CACNA1C: variants seen among roughly 807,000 people sequenced by gnomAD.
CACNA1C encodes the protein calcium voltage-gated channel subunit alpha1 C.
A neutral mutation model predicts 229.0 loss-of-function variants in CACNA1C; 30 were observed. That is an observed-to-expected ratio of 0.13 (90% CI 0.10 to 0.18). CACNA1C has a LOEUF of 0.18. Ranked by LOEUF, CACNA1C falls within the 10% of genes least tolerant of loss-of-function variation. CACNA1C has a pLI of 1.00. For missense variants in CACNA1C, 1,658 were observed against 2,845.0 expected, an observed-to-expected ratio of 0.58 and a Z score of 9.49; for synonymous variants, 1,114 against 1,132.5, an observed-to-expected ratio of 0.98 and a Z score of 0.33.
chr12:2,103,838 T>C (rs889087853), intron 1 of CACNA1C, among the ~76,000 whole-genome samples: 7 of 152,252 alleles, frequency 4.6e-5, no homozygotes, highest in Admixed American at 1.3e-4. Context: ...TAGGGAATCC[T>C]TTCCCCATTG....
At chr12:2,037,014 G>A (rs887686616) in intron 1 of CACNA1C, among the ~76,000 whole-genome samples, 3 of 152,136 alleles carry the variant, frequency 2.0e-5, no homozygotes, top group African/African-American at 7.2e-5. Context: ...AAACCTTCTT[G>A]TCTGCTTACT....
At chr12:2,484,034 A>G (rs895381083) in intron 5 of CACNA1C, among the ~76,000 whole-genome samples, 1 of 152,256 alleles carries the variant, frequency 6.6e-6, no homozygotes, top group Non-Finnish European at 1.5e-5. Context: ...GGCCTTAGCA[A>G]CAAAATGGAA....
chr12:2,615,706 C>T (rs1043931824), intron 29 of CACNA1C, among the ~76,000 whole-genome samples: 6 of 152,188 alleles, frequency 3.9e-5, no homozygotes, highest in Non-Finnish European at 7.3e-5. Context: ...GAGCCTGGCG[C>T]GGGAAGCAGT....
At chr12:2,064,210 T>G (rs902725020) in intron 1 of CACNA1C, among the ~76,000 whole-genome samples, 5 of 152,228 alleles carry the variant, frequency 3.3e-5, no homozygotes, top group Non-Finnish European at 7.3e-5. Context: ...CAGTTCAGCT[T>G]TCACCTCGTT....
At chr12:2,642,262 C>T (rs945735196) in intron 30 of CACNA1C, among the ~76,000 whole-genome samples, 6 of 152,050 alleles carry the variant, frequency 3.9e-5, no homozygotes, top group African/African-American at 1.2e-4. Flanking sequence ...TTTTTGTTTC[C>T]CTCAAATGCT....
chr12:2,646,169 A>T lies in CACNA1C; in HGVS notation c.3913-2306A>T, dbSNP rs1036477835. Among the ~76,000 whole-genome samples, 1 of 152,266 alleles carries T rather than the reference A, an allele frequency of 6.6e-6. No homozygotes were observed. Among genetic ancestry groups the T allele is most frequent in the African/African-American group, 2.4e-5 (1 of 41,466 alleles). On this transcript the variant is annotated intron_variant, in intron 30 of 46. Transcript: ENST00000399655. The surrounding 1 kb of genome is among the most constrained non-coding windows in gnomAD (Gnocchi z 4.6). ...TTAAATAAATGAGGTCTTAAATGGG[A>T]GCTATAAAATGCAACAAGAAAAAAG... is the stretch of plus-strand genomic sequence containing the variant.
At position 2,297,915 on chromosome 12, in the gene CACNA1C, TAGAGAA is replaced by T. The variant is rs969412293; in HGVS notation, c.478-151060_478-151055del. ...ACGTGTGCACATGCAAATAAATAAA[TAGAGAA>T]GGAGAAGGAAGAAAAGAAAACAGCC... On this transcript the variant is annotated intron_variant, in intron 3 of 46. Transcript: ENST00000399655. Among the ~76,000 whole-genome samples the T allele has an allele frequency of 3.3e-5, 5 of 151,660 alleles. 1 individual carries two copies. The highest frequency in any genetic ancestry group is 3.3e-4 in the Admixed American group (5 of 15,240).
chr12:2,456,818 T>C (rs1275041034), intron 4 of CACNA1C, among the ~76,000 whole-genome samples: 2 of 152,226 alleles, frequency 1.3e-5, no homozygotes, highest in Non-Finnish European at 2.9e-5. Context: ...CTCAGTTTAT[T>C]GTCTGTCTCC....
rs2087396228 is a variant in CACNA1C, at chr12:2,275,464, CTCT to C, written c.477+155035_477+155037del. Among the ~76,000 whole-genome samples, 1 of 152,164 alleles carries C rather than the reference CTCT, an allele frequency of 6.6e-6. No individual in the cohort carries two copies. The highest frequency in any genetic ancestry group is 1.5e-5 in the Non-Finnish European group (1 of 68,026). ...GCATCGCTCTGTGCATGTGACCTAG[CTCT>C]CTCCTGGCCCCCTGTTCCATCCCAC... is the stretch of plus-strand genomic sequence containing the variant. On this transcript the variant is annotated intron_variant, in intron 3 of 46. Transcript: ENST00000399655. This position sits in a 1 kb window ranked among gnomAD's most constrained non-coding sequence, Gnocchi z 4.1.
chr12:2,459,752 T>C (rs2099486613), intron 5 of CACNA1C, among the ~76,000 whole-genome samples: 1 of 152,192 alleles, frequency 6.6e-6, no homozygotes, highest in African/African-American at 2.4e-5. Flanking sequence ...GAGCTTGTAA[T>C]GGTACCGCCA....
intron 1 of CACNA1C, among the ~76,000 whole-genome samples, chr12:2,104,008 C>T (rs955948150): frequency 4.6e-5 from 7 of 152,132 alleles, no homozygotes; most frequent in East Asian, 3.9e-4. Context: ...AGTCAGGTAG[C>T]GTGATGCCCC....
intron 18 of CACNA1C, among the ~76,000 whole-genome samples, chr12:2,590,956 C>T (rs921550697): frequency 2.6e-5 from 4 of 152,196 alleles, no homozygotes; most frequent in Admixed American, 1.3e-4. Context: ...TTTACTTATT[C>T]GACTTTAAGT....
intron 3 of CACNA1C, among the ~76,000 whole-genome samples, chr12:2,218,666 T>C (rs747124765): frequency 3.3e-5 from 5 of 152,210 alleles, no homozygotes; most frequent in Non-Finnish European, 7.3e-5. Flanking sequence ...TAAAATGCTA[T>C]ATTTAATTTC....
chr12:2,035,406 T>C (rs759703387), intron 1 of CACNA1C, among the ~76,000 whole-genome samples: 2 of 152,216 alleles, frequency 1.3e-5, no homozygotes, highest in Non-Finnish European at 2.9e-5. Context: ...TCATGAGGCT[T>C]GCAAGGCAGG....
intron 32 of CACNA1C, among the ~76,000 whole-genome samples, chr12:2,652,143 T>C (rs932308646): frequency 3.3e-5 from 5 of 152,236 alleles, no homozygotes; most frequent in Middle Eastern, 3.2e-3. Flanking sequence ...GTGACCGCTA[T>C]GGCCCTTCGA....
chr12:2,260,542 A>G (rs2079722251), intron 3 of CACNA1C, among the ~76,000 whole-genome samples: 1 of 151,752 alleles, frequency 6.6e-6, no homozygotes, highest in African/African-American at 2.4e-5. Context: ...AAGAGAGAAA[A>G]GGAGAGGAGC....
intron 3 of CACNA1C, among the ~76,000 whole-genome samples, chr12:2,397,079 A>G (rs996744900): frequency 6.6e-5 from 10 of 152,258 alleles, no homozygotes; most frequent in Non-Finnish European, 1.2e-4. Flanking sequence ...CCAGAAAGAG[A>G]CATCCATGCA....
At chr12:2,451,285 A>C (rs1484502874) in intron 4 of CACNA1C, among the ~76,000 whole-genome samples, 1 of 152,182 alleles carries the variant, frequency 6.6e-6, no homozygotes, top group Non-Finnish European at 1.5e-5. Context: ...GGTTGTTCCA[A>C]ATGCCCCTAA....
chr12:2,053,379 G>T lies in CACNA1C; in HGVS notation c.-184G>T. 7.3e-7 allele frequency: 1 copy of T among 1,377,168 alleles called. No homozygotes were observed. The highest frequency in any genetic ancestry group is 9.4e-7 in the Non-Finnish European group (1 of 1,063,380). 85.3% of individuals were successfully genotyped at this position (1,377,168 alleles called of 1,614,324 possible). On this transcript the variant is annotated 5_prime_UTR_variant, in exon 1 of 47. Transcript: ENST00000399655. This position sits in a 1 kb window ranked among gnomAD's most constrained non-coding sequence, Gnocchi z 5.8. ...TGGAAAGGAGCAGTTTTTGGGGTTT[G>T]ATGCCATAATGGGAATCAGGTAATC...
Sources: allele counts gnomAD v4.1 joint callset (sites outside exome capture counted in the v4.1 genomes callset), GRCh38; gene constraint gnomAD v4.1.1; non-coding constraint Gnocchi (gnomAD v3.1); transcripts MANE v1.5; gene names NCBI Gene and HGNC (gene_info 2026-07-23, HGNC 2026-07-21).